Variants in ZBTB20 observed in about 807,000 individuals in gnomAD.
ZBTB20 encodes the protein zinc finger and BTB domain containing 20.
Under a neutral mutation model 56.9 loss-of-function variants are expected in ZBTB20, and 9 were observed. The ratio of observed to expected loss-of-function variants is 0.16; its 90% CI spans 0.10 to 0.28. ZBTB20 has a LOEUF of 0.28. Among genes scored for constraint, ZBTB20 ranks in the 10% least tolerant of loss-of-function variants. ZBTB20 has a pLI of 1.00. For synonymous variants in ZBTB20, 417 were observed against 420.7 expected (o/e 0.99, Z 0.11); for missense variants, 655 against 1,003.0 (o/e 0.65, Z 4.69).
chr3:114,544,422 TTTC>T (rs1559937709), intron 6 of ZBTB20, among the ~76,000 whole-genome samples: 13 of 50,070 alleles, frequency 2.6e-4, no homozygotes, highest in South Asian at 8.1e-4. Context: ...TCTTTCTTTC[TTTC>T]TTTCTTTCTT....
intron 2 of ZBTB20, among the ~76,000 whole-genome samples, chr3:115,065,678 T>C (rs771708588): frequency 2.0e-5 from 3 of 152,186 alleles, no homozygotes; most frequent in Admixed American, 2.0e-4. Flanking sequence ...CATAAAATCA[T>C]AGGGCTCTTA....
intron 7 of ZBTB20, among the ~76,000 whole-genome samples, chr3:114,414,046 C>T (rs146734531): frequency 6.6e-6 from 1 of 152,170 alleles, no homozygotes; most frequent in Non-Finnish European, 1.5e-5. Context: ...AAATCATGTG[C>T]TCATCTATGG....
chr3:115,090,580 A>C (rs1391941270), intron 1 of ZBTB20, among the ~76,000 whole-genome samples: 1 of 151,866 alleles, frequency 6.6e-6, no homozygotes, highest in African/African-American at 2.4e-5. Context: ...TATATCACCT[A>C]GGAAACACCA....
chr3:114,473,743 T>G (rs1316233030), intron 7 of ZBTB20, among the ~76,000 whole-genome samples: 1 of 152,162 alleles, frequency 6.6e-6, no homozygotes, highest in East Asian at 1.9e-4. Flanking sequence ...CCCAAGTGAT[T>G]CTAATTCTAT....
At chr3:114,525,105 C>A (rs1359020364) in intron 6 of ZBTB20, among the ~76,000 whole-genome samples, 1 of 152,172 alleles carries the variant, frequency 6.6e-6, no homozygotes, top group Non-Finnish European at 1.5e-5. Context: ...TAATGTTCTT[C>A]ATGGCACTAA....
chr3:114,378,985 G>A (rs1417590681), intron 10 of ZBTB20: 2 of 152,158 alleles, frequency 1.3e-5, no homozygotes, highest in African/African-American at 2.4e-5. Context: ...GCTAGAATAT[G>A]GTCTTAGCCC....
chr3:114,972,989 G>A (rs2077950375), intron 3 of ZBTB20, among the ~76,000 whole-genome samples: 1 of 152,028 alleles, frequency 6.6e-6, no homozygotes, highest in East Asian at 1.9e-4. Flanking sequence ...TATGGGGCAA[G>A]GCAGGGATAA....
At chr3:114,610,624 A>G (rs951384082) in intron 6 of ZBTB20, among the ~76,000 whole-genome samples, 5 of 152,216 alleles carry the variant, frequency 3.3e-5, no homozygotes, top group African/African-American at 7.2e-5. Context: ...TATTTTCCAC[A>G]TTAGAAACTC....
At chr3:114,820,232 GTTAA>G (rs988009980) in intron 4 of ZBTB20, among the ~76,000 whole-genome samples, 1 of 151,902 alleles carries the variant, frequency 6.6e-6, no homozygotes, top group Non-Finnish European at 1.5e-5. Context: ...ACATGAAGGA[GTTAA>G]TTAAAATTTT....
At chr3:114,578,843 GAAT>G (rs1231491764) in intron 6 of ZBTB20, among the ~76,000 whole-genome samples, 1 of 151,652 alleles carries the variant, frequency 6.6e-6, no homozygotes, top group Non-Finnish European at 1.5e-5. Flanking sequence ...CAGGATCTAA[GAAT>G]AATGGTAGGC....
intron 5 of ZBTB20, among the ~76,000 whole-genome samples, chr3:114,766,850 C>T (rs2108725595): frequency 6.6e-6 from 1 of 152,124 alleles, no homozygotes; most frequent in Admixed American, 6.6e-5. Flanking sequence ...CAACAGAAAT[C>T]CATGATAACA....
intron 7 of ZBTB20, among the ~76,000 whole-genome samples, chr3:114,410,630 A>G (rs1464187361): frequency 6.6e-6 from 1 of 152,206 alleles, no homozygotes; most frequent in Admixed American, 6.5e-5. Context: ...GTTTTCCTTC[A>G]AACTCTAGCA....
At chr3:114,821,724 T>G (rs1310511155) in intron 4 of ZBTB20, among the ~76,000 whole-genome samples, 1 of 152,072 alleles carries the variant, frequency 6.6e-6, no homozygotes, top group Admixed American at 6.6e-5. Context: ...ATGACTGCCC[T>G]CTGGCCAAAT....
At chr3:114,859,963 G>A (rs1213430422) in intron 4 of ZBTB20, among the ~76,000 whole-genome samples, 1 of 152,128 alleles carries the variant, frequency 6.6e-6, no homozygotes, top group Non-Finnish European at 1.5e-5. Context: ...CAGTACTGGA[G>A]AGTTTTCTAT....
At chr3:115,089,451 C>A (rs909262115) in intron 1 of ZBTB20, among the ~76,000 whole-genome samples, 3 of 151,784 alleles carry the variant, frequency 2.0e-5, no homozygotes, top group Non-Finnish European at 4.4e-5. Flanking sequence ...AATTCTACAT[C>A]CAGCTAAAAA....
At chr3:114,782,629 A>C (rs2108778175) in intron 5 of ZBTB20, among the ~76,000 whole-genome samples, 1 of 152,334 alleles carries the variant, frequency 6.6e-6, no homozygotes, top group South Asian at 2.1e-4. Context: ...CTAATAAACC[A>C]TGGAAAAAGC....
rs371243216 is a variant in ZBTB20, at chr3:114,681,887, T to C, written c.-295+11641A>G. Among the ~76,000 whole-genome samples, 4 of 152,286 alleles carry C rather than the reference T, an allele frequency of 2.6e-5. No homozygotes were observed. The East Asian group carries it at 7.7e-4, about 29-fold the overall frequency. On this transcript the variant is annotated intron_variant, in intron 6 of 11. Coordinates refer to ENST00000675478, the MANE Select transcript of ZBTB20 (RefSeq NM_001348800.3). Reference sequence around the variant, plus strand: ...CACAGAGTTTAACCATCATGCTATATTGCTTCATTAGGTTGAAAGGTTATT... The same window carrying C: ...CACAGAGTTTAACCATCATGCTATACTGCTTCATTAGGTTGAAAGGTTATT...
chr3:114,598,131 T>C (rs763683399), intron 6 of ZBTB20, among the ~76,000 whole-genome samples: 1 of 152,142 alleles, frequency 6.6e-6, no homozygotes, highest in Non-Finnish European at 1.5e-5. Context: ...GGCCATTCTG[T>C]CATTTTAGAC....
intron 1 of ZBTB20, among the ~76,000 whole-genome samples, chr3:115,118,703 A>AGTTTTTTTT: frequency 1.2e-5 from 1 of 82,174 alleles, no homozygotes; most frequent in Admixed American, 1.7e-4. Context: ...CCTGGTACAA[A>AGTTTTTTTT]TTTTTTTTTT....
Sources: allele counts gnomAD v4.1 joint callset (sites outside exome capture counted in the v4.1 genomes callset), GRCh38; gene constraint gnomAD v4.1.1; transcripts MANE v1.5; gene names NCBI Gene and HGNC (gene_info 2026-07-23, HGNC 2026-07-21).